The following EPHA3 variants were observed in gnomAD, a reference collection of about 807,000 sequenced individuals.
EPHA3 encodes ephrin type-A receptor 3.
Under a neutral mutation model 107.1 loss-of-function variants are expected in EPHA3, and 42 were observed. The ratio of observed to expected loss-of-function variants is 0.39; its 90% CI spans 0.31 to 0.51. The LOEUF (loss-of-function observed/expected upper bound fraction) is 0.51. EPHA3 is among the 20% of genes least tolerant of loss of function. The pLI is 0.78. For missense variants in EPHA3, 1,183 were observed against 1,211.2 expected (o/e 0.98, Z 0.35); for synonymous variants, 461 against 424.8 (o/e 1.09, Z -1.05).
At chr3:89,348,545 G>A (rs1452353411) in intron 5 of EPHA3, among the ~76,000 whole-genome samples, 26 of 139,744 alleles carry the variant, frequency 1.9e-4, no homozygotes, top group African/African-American at 7.4e-4. Context: ...TATCAATTTT[G>A]TTGATCCTCT....
intron 3 of EPHA3, among the ~76,000 whole-genome samples, chr3:89,223,372 C>T (rs1162543948): frequency 6.6e-6 from 1 of 152,152 alleles, no homozygotes; most frequent in Non-Finnish European, 1.5e-5. Context: ...TGAGAAAATG[C>T]ATTGGCTTGC....
chr3:89,372,209 C>A (rs1334884620), intron 5 of EPHA3, among the ~76,000 whole-genome samples: 2 of 151,498 alleles, frequency 1.3e-5, no homozygotes, highest in Non-Finnish European at 3.0e-5. Context: ...GATGTACTGA[C>A]AAGAAGGTAG....
intron 3 of EPHA3, among the ~76,000 whole-genome samples, chr3:89,223,393 G>C (rs1704427767): frequency 6.6e-6 from 1 of 152,178 alleles, no homozygotes. Flanking sequence ...TTTTTATTAA[G>C]CACAGTAGGT....
intron 7 of EPHA3, 136 bp from the exon 8 acceptor site, chr3:89,407,133 T>G: frequency 3.3e-6 from 2 of 609,394 alleles, no homozygotes; most frequent in Non-Finnish European, 5.7e-6. Context: ...ACTTTCAACA[T>G]TGTATCAGAC....
chr3:89,217,951 A>G (rs1314032861), intron 3 of EPHA3, among the ~76,000 whole-genome samples: 1 of 152,166 alleles, frequency 6.6e-6, no homozygotes, highest in East Asian at 1.9e-4. Flanking sequence ...GTTACTGGAG[A>G]GGAAAATTTG....
At chr3:89,305,824 A>C (rs1229297780) in intron 3 of EPHA3, among the ~76,000 whole-genome samples, 1 of 152,184 alleles carries the variant, frequency 6.6e-6, no homozygotes, top group Non-Finnish European at 1.5e-5. Flanking sequence ...TTTTGTGTTA[A>C]TCAACTTCCT....
chr3:89,374,255 A>T (rs1708359033), intron 5 of EPHA3, among the ~76,000 whole-genome samples: 1 of 151,924 alleles, frequency 6.6e-6, no homozygotes. Flanking sequence ...TTTAAGAGGA[A>T]TTAAATGGGT....
Position 89,153,913 on chromosome 3 carries a change from C to CA in EPHA3, c.153+26641dup, listed in dbSNP as rs1704739357. On this transcript the variant is annotated intron_variant, in intron 2 of 16. Transcript: ENST00000336596. Reference sequence around the variant, plus strand: ...TGACCTGCTCCTCTCTCCTTCCTTACACTGTTCCATCCTTGCTAGTGTCCA... The same window carrying CA: ...TGACCTGCTCCTCTCTCCTTCCTTACAACTGTTCCATCCTTGCTAGTGTCCA... 2.0e-5 allele frequency among the ~76,000 whole-genome samples: 3 copies of CA among 152,050 alleles called. No individual in the cohort carries two copies. The South Asian group carries it at 6.2e-4, about 31-fold the overall frequency.
At chr3:89,392,085 C>A (rs1467363554) in intron 5 of EPHA3, among the ~76,000 whole-genome samples, 2 of 152,114 alleles carry the variant, frequency 1.3e-5, no homozygotes, top group African/African-American at 4.8e-5. Flanking sequence ...TCATCAACTT[C>A]TTTCTCTTAA....
intron 3 of EPHA3, among the ~76,000 whole-genome samples, chr3:89,222,472 CAT>C (rs1049846978): frequency 2.0e-5 from 3 of 147,496 alleles, no homozygotes; most frequent in Non-Finnish European, 4.5e-5. Flanking sequence ...TGTATATAGA[CAT>C]AAAATGCAAA....
chr3:89,217,418 AC>A (rs975944945), intron 3 of EPHA3, among the ~76,000 whole-genome samples: 1 of 151,762 alleles, frequency 6.6e-6, no homozygotes, highest in Admixed American at 6.6e-5. Context: ...AAAAACAAAA[AC>A]AAAAAAAAAC....
intron 2 of EPHA3, among the ~76,000 whole-genome samples, chr3:89,131,432 AATTG>A (rs1483292404): frequency 6.6e-6 from 1 of 152,134 alleles, no homozygotes; most frequent in Non-Finnish European, 1.5e-5. Flanking sequence ...ACATGACTTA[AATTG>A]ATTGTACTTA....
In EPHA3 at chr3:89,473,049, T is replaced by C. The variant is rs770251593; in HGVS notation, c.2846+430T>C. Reference sequence around the variant, plus strand: ...AAAATTGAGAGCCAAGTAGATAATGTGGTATACAAGGAAACATATTAAAGT... The same window carrying C: ...AAAATTGAGAGCCAAGTAGATAATGCGGTATACAAGGAAACATATTAAAGT... On this transcript the variant is annotated intron_variant, in intron 16 of 16. Transcript: ENST00000336596. Among the ~76,000 whole-genome samples, 39 of 152,206 alleles carry C rather than the reference T, an allele frequency of 2.6e-4. 1 individual carries two copies. Among genetic ancestry groups the C allele is most frequent in the Middle Eastern group, 6.3e-3 (2 of 316 alleles).
chr3:89,248,001 G>C (rs1705075857), intron 3 of EPHA3, among the ~76,000 whole-genome samples: 1 of 151,970 alleles, frequency 6.6e-6, no homozygotes. Context: ...CTTTCTACTT[G>C]TCCCTCTGTT....
intron 13 of EPHA3, among the ~76,000 whole-genome samples, chr3:89,435,901 G>A (rs1029500531): frequency 1.5e-4 from 22 of 150,348 alleles, no homozygotes; most frequent in African/African-American, 2.9e-4. Flanking sequence ...TGCAGCGAAC[G>A]GAGATTGTGC....
intron 15 of EPHA3, among the ~76,000 whole-genome samples, chr3:89,450,931 T>C (rs1709974368): frequency 6.6e-6 from 1 of 152,108 alleles, no homozygotes; most frequent in African/African-American, 2.4e-5. Flanking sequence ...ACTGAACACA[T>C]ACTTCTTTTC....
At position 89,361,818 on chromosome 3, in the gene EPHA3, G is replaced by T. The variant is rs963197966; in HGVS notation, c.1306+19728G>T. The stretch of plus-strand genomic sequence containing the variant: ...ACAGTGTGGGGACCACATGAGAGCT[G>T]GCTTTTGATCATGGTTTAATAATTC... On this transcript the variant is annotated intron_variant, in intron 5 of 16. Transcript: ENST00000336596. Among the ~76,000 whole-genome samples the T allele has an allele frequency of 1.4e-4, 21 of 150,948 alleles. 1 individual carries two copies. Among genetic ancestry groups the T allele is most frequent in the Admixed American group, 6.0e-4 (9 of 15,054 alleles).
chr3:89,342,104 A>C lies in EPHA3; in HGVS notation c.1306+14A>C. ...CTAATCAGGCTGGTGAGTACATACT[A>C]GATGCTTCTTACTCTTATCATATCA... On this transcript the variant is annotated intron_variant, in intron 5 of 16. Coordinates refer to ENST00000336596, the MANE Select transcript of EPHA3 (RefSeq NM_005233.6). The C allele has an allele frequency of 6.3e-7, 1 of 1,592,586 alleles. No homozygotes were observed. The highest frequency in any genetic ancestry group is 1.1e-5 in the South Asian group (1 of 88,952).
intron 2 of EPHA3, among the ~76,000 whole-genome samples, chr3:89,185,119 C>A (rs986526050): frequency 2.6e-5 from 4 of 151,972 alleles, no homozygotes; most frequent in Admixed American, 6.6e-5. Context: ...TGGTAAAGAA[C>A]CTAAACCTAG....
Sources: allele counts gnomAD v4.1 joint callset (sites outside exome capture counted in the v4.1 genomes callset), GRCh38; gene constraint gnomAD v4.1.1; transcripts MANE v1.5; gene names NCBI Gene and HGNC (gene_info 2026-07-23, HGNC 2026-07-21).